The following WIPI1 variants were observed in gnomAD, a reference collection of about 807,000 sequenced individuals.
The protein encoded by WIPI1 is WD repeat domain, phosphoinositide interacting 1, also known as WD repeat domain phosphoinositide-interacting protein 1.
In WIPI1, 45 loss-of-function variants were observed where a neutral mutation model predicts 55.3. The observed-to-expected ratio is 0.81, with a 90% CI of 0.64 to 1.04. WIPI1 has a LOEUF of 1.04. Among genes scored for constraint, WIPI1 ranks in the 50% least tolerant of loss-of-function variants. WIPI1 has a pLI of 0.00. For missense variants in WIPI1, 445 were observed against 559.0 expected (o/e 0.80, Z 2.06); for synonymous variants, 195 against 217.6 (o/e 0.90, Z 0.92).
intron 2 of WIPI1, among the ~76,000 whole-genome samples, chr17:68,452,348 C>T (rs1392350983): frequency 6.6e-6 from 1 of 152,128 alleles, no homozygotes; most frequent in Non-Finnish European, 1.5e-5. Flanking sequence ...GCAGATAACT[C>T]AAAGTCAGGA....
At chr17:68,448,764 G>A (rs368981126) in intron 3 of WIPI1, among the ~76,000 whole-genome samples, 3 of 152,162 alleles carry the variant, frequency 2.0e-5, no homozygotes, top group African/African-American at 2.4e-5. Context: ...CTATATGCAA[G>A]GATAAAAAGT....
At chr17:68,429,702 C>A (rs2083422681) in intron 9 of WIPI1, among the ~76,000 whole-genome samples, 1 of 152,114 alleles carries the variant, frequency 6.6e-6, no homozygotes. Context: ...GATTCTCCTG[C>A]CCCAACCTCC....
intron 6 of WIPI1, 96 bp from the exon 7 acceptor site, chr17:68,434,722 C>G (rs1322643159): frequency 3.9e-6 from 5 of 1,279,326 alleles, no homozygotes; most frequent in Non-Finnish European, 5.5e-6. Context: ...TTTTGAACAT[C>G]TGTCTCTGAG....
At chr17:68,452,855 G>A in intron 2 of WIPI1, 55 bp downstream of exon 2, 1 of 1,533,632 alleles carries the variant, frequency 6.5e-7, no homozygotes, top group Non-Finnish European at 9.0e-7. Flanking sequence ...TTAAAGCCTA[G>A]AAGGAGGCTC....
At position 68,440,253 on chromosome 17, in the gene WIPI1, T is replaced by A. The variant is rs146927573; in HGVS notation, c.431-3774A>T. 3.7e-3 allele frequency among the ~76,000 whole-genome samples: 567 copies of A among 152,338 alleles called. 2 individuals are homozygous for A. Among genetic ancestry groups the A allele is most frequent in the Middle Eastern group, 0.01 (3 of 294 alleles). On this transcript the variant is annotated intron_variant, in intron 4 of 12. Transcript: ENST00000262139. ...GGTCCCCAGAAAAGCCTACTGTGAC[T>A]TCCCTATGGCCCAAGTGTCAGAAAA...
At chr17:68,422,094 T>G in intron 12 of WIPI1, 2 of 413,790 alleles carry the variant, frequency 4.8e-6, no homozygotes, top group Non-Finnish European at 8.9e-6. Flanking sequence ...TTTAAAAGGC[T>G]CATCTTACTT....
chr17:68,428,741 G>T, intron 10 of WIPI1, 88 bp downstream of exon 10: 1 of 985,336 alleles, frequency 1.0e-6, no homozygotes, highest in Non-Finnish European at 1.6e-6. Context: ...ATCAATGCAA[G>T]GGCACTGAAG....
Position 68,426,184 on chromosome 17 carries a change from CAAGA to C in WIPI1, c.1193-13_1193-10del. The stretch of plus-strand genomic sequence containing the variant: ...GCCGTCCTCAGAATAACCTGGAAAC[CAAGA>C]AAGAGACATGAAACAAGCACTGGGG... On this transcript the variant is annotated splice_polypyrimidine_tract_variant and intron_variant, in intron 11 of 12. Transcript: ENST00000262139. 1 of 1,576,752 alleles carries C rather than the reference CAAGA, an allele frequency of 6.3e-7. No homozygotes were observed. The highest frequency in any genetic ancestry group is 8.6e-7 in the Non-Finnish European group (1 of 1,162,494).
Position 68,436,458 on chromosome 17 carries a change from T to C in WIPI1, c.452A>G (p.Asn151Ser). ...NPTGLCALSI[N>S]HSNSYLAYPG... is the part of the protein sequence containing the mutation. ...ATAGGCCAGGTAAGAATTGGAATGG[T>C]TGATAGAGAGAGCACATAGACCTGG... Residue 151 changes from asparagine (N) to serine (S), a missense_variant, in exon 5 of 13, where the codon AAC becomes AGC. By Grantham distance (46) the Asn-to-Ser change is conservative. Transcript: ENST00000262139. 6.2e-7 allele frequency: 1 copy of C among 1,613,770 alleles called. No homozygotes were observed.
At position 68,430,028 on chromosome 17, in the gene WIPI1, G is replaced by A. The variant is rs1378900640; in HGVS notation, c.933C>T (p.Phe311=). 6.2e-7 allele frequency: 1 copy of A among 1,614,194 alleles called. No individual in the cohort carries two copies. Among genetic ancestry groups the A allele is most frequent in the South Asian group, 1.1e-5 (1 of 91,076 alleles). The change falls in exon 9 of 13, where the codon TTC becomes TTT. Residue 311 remains phenylalanine (F), a synonymous_variant. Transcript: ENST00000262139. ...GGGTACAGATGTTCCTCTGTCCGGA[G>A]AAGTTCAAGCGTGCAGTGGCAAAAG... ...DRAFATARLN[F]SGQRNICTLS...
At chr17:68,432,409 C>T (rs1255680998) in intron 8 of WIPI1, among the ~76,000 whole-genome samples, 1 of 152,200 alleles carries the variant, frequency 6.6e-6, no homozygotes, top group African/African-American at 2.4e-5. Context: ...TCTCTTTCAG[C>T]CTTGTGTCAT....
intron 2 of WIPI1, 73 bp from the exon 3 acceptor site, chr17:68,450,970 G>A: frequency 3.3e-6 from 5 of 1,537,944 alleles, no homozygotes; most frequent in East Asian, 2.3e-5. Flanking sequence ...CCATGACACT[G>A]GGCCCGGCGC....
intron 4 of WIPI1, among the ~76,000 whole-genome samples, chr17:68,436,723 T>C (rs1419468462): frequency 6.6e-6 from 1 of 152,172 alleles, no homozygotes; most frequent in Admixed American, 6.5e-5. Flanking sequence ...CAATGAGACT[T>C]GCCGGGCACA....
chr17:68,446,903 G>A (rs1012449596), intron 3 of WIPI1, among the ~76,000 whole-genome samples: 1 of 152,170 alleles, frequency 6.6e-6, no homozygotes, highest in African/African-American at 2.4e-5. Flanking sequence ...ACTAAACGCA[G>A]AGGGAAACAG....
chr17:68,437,029 T>C (rs1392239394), intron 4 of WIPI1, among the ~76,000 whole-genome samples: 15 of 150,564 alleles, frequency 1.0e-4, no homozygotes, highest in African/African-American at 3.4e-4. Flanking sequence ...TGTGTGTGTG[T>C]GTGTGTGTAT....
intron 11 of WIPI1, 79 bp from the exon 12 acceptor site, chr17:68,426,254 G>GGGGGGGGGGGGGA: frequency 1.2e-6 from 1 of 816,924 alleles, no homozygotes; most frequent in Non-Finnish European, 1.9e-6. Context: ...GGGAGCGGGG[G>GGGGGGGGGGGGGA]CTCAAATAAA....
At chr17:68,443,173 C>T (rs1412601507) in intron 4 of WIPI1, among the ~76,000 whole-genome samples, 4 of 152,090 alleles carry the variant, frequency 2.6e-5, no homozygotes, top group Non-Finnish European at 5.9e-5. Flanking sequence ...TGCAGTGGTG[C>T]GATCTCAGCT....
At chr17:68,449,489 T>A (rs1019678826) in intron 3 of WIPI1, among the ~76,000 whole-genome samples, 12 of 152,328 alleles carry the variant, frequency 7.9e-5, no homozygotes, top group African/African-American at 2.9e-4. Context: ...TCCCCAAATC[T>A]CATGTCGAAT....
intron 12 of WIPI1, among the ~76,000 whole-genome samples, chr17:68,425,678 C>T (rs1403219546): frequency 6.6e-6 from 1 of 152,160 alleles, no homozygotes; most frequent in East Asian, 1.9e-4. Context: ...CCCTCCAGCA[C>T]AAGGAAGGCA....
Sources: allele counts gnomAD v4.1 joint callset (sites outside exome capture counted in the v4.1 genomes callset), GRCh38; gene constraint gnomAD v4.1.1; transcripts MANE v1.5; gene names NCBI Gene and HGNC (gene_info 2026-07-23, HGNC 2026-07-21).